ZNF695: variants seen among roughly 807,000 people sequenced by gnomAD.
The protein encoded by ZNF695 is zinc finger protein 695, also known as zinc finger protein SBZF3.
A neutral mutation model predicts 11.2 loss-of-function variants in ZNF695; 11 were observed. The ratio of observed to expected loss-of-function variants is 0.98; its 90% CI spans 0.62 to 1.62. The LOEUF (loss-of-function observed/expected upper bound fraction) is 1.62. Ranked by LOEUF, ZNF695 falls within the 40% of genes most tolerant of loss-of-function variation. The pLI, the probability that ZNF695 is intolerant of heterozygous loss-of-function variation, is 0.00. For missense variants in ZNF695, 559 were observed against 590.5 expected, an observed-to-expected ratio of 0.95 and a Z score of 0.55; for synonymous variants, 190 against 201.4, an observed-to-expected ratio of 0.94 and a Z score of 0.48.
intron 4 of ZNF695, among the ~76,000 whole-genome samples, chr1:246,973,566 T>C (rs971102029): frequency 2.0e-5 from 3 of 152,106 alleles, no homozygotes; most frequent in Admixed American, 1.3e-4. Flanking sequence ...GATTTAACTA[T>C]AAAAAAATGA....
rs1215533099 is a variant in ZNF695, at chr1:246,987,590, G to A, written c.925C>T (p.Pro309Ser). 2.0e-5 allele frequency: 32 copies of A among 1,590,602 alleles called. No homozygotes were observed. Among genetic ancestry groups the A allele is most frequent in the Non-Finnish European group, 2.5e-5 (29 of 1,171,522 alleles). Residue 309 changes from proline to serine, a missense_variant, in exon 4 of 4, where the codon CCA becomes TCA. Coordinates refer to ENST00000339986, the MANE Select transcript of ZNF695 (RefSeq NM_020394.5). The stretch of plus-strand genomic sequence containing the variant: ...ATTCTCTTGTGTTGAGTAAGGTATG[G>A]GAACAACTTAAAGGATTTGCCACAT... ...EECGKSFKLFPYLTQHKRIHS... is the reference protein window; with the variant it reads ...EECGKSFKLFSYLTQHKRIHS...
intron 5 of ZNF695, among the ~76,000 whole-genome samples, chr1:246,961,979 C>T (rs138752099): frequency 1.5e-4 from 23 of 152,316 alleles, no homozygotes; most frequent in East Asian, 1.2e-3. Context: ...TCATGGCAGA[C>T]GGTGGTGGTG....
intron 1 of ZNF695, among the ~76,000 whole-genome samples, chr1:247,006,977 C>T (rs915304420): frequency 2.0e-5 from 3 of 152,168 alleles, no homozygotes; most frequent in Non-Finnish European, 4.4e-5. Flanking sequence ...CCACTAAATG[C>T]TAATAAATCT....
chr1:246,982,490 G>C (rs1452384133), downstream of ZNF695, among the ~76,000 whole-genome samples: 1 of 152,130 alleles, frequency 6.6e-6, no homozygotes, highest in Non-Finnish European at 1.5e-5. Context: ...TCCAAATTCT[G>C]ACATGTTTAT....
chr1:246,980,370 T>A (rs1668675663), downstream of ZNF695, among the ~76,000 whole-genome samples: 1 of 151,556 alleles, frequency 6.6e-6, no homozygotes, highest in African/African-American at 2.4e-5. Flanking sequence ...TTTCCCTTTT[T>A]AAAGCAGTAA....
intron 3 of ZNF695, among the ~76,000 whole-genome samples, chr1:246,988,536 G>C (rs1391590785): frequency 6.6e-6 from 1 of 152,104 alleles, no homozygotes; most frequent in Non-Finnish European, 1.5e-5. Context: ...CCAGGAGAGA[G>C]TGGTATGACA....
Position 246,985,676 on chromosome 1 carries a change from T to C in ZNF695, c.*1291A>G, listed in dbSNP as rs1668828478. ...GCATTTCAAAATCCACTGAATTTTA[T>C]TACCTTAATGTGCAATAGGAAAAAC... On this transcript the variant is annotated 3_prime_UTR_variant, in exon 4 of 4. Coordinates refer to ENST00000339986, the MANE Select transcript of ZNF695 (RefSeq NM_020394.5). 1 of 985,442 alleles carries C rather than the reference T, an allele frequency of 1.0e-6. No individual in the cohort carries two copies. The highest frequency in any genetic ancestry group is 1.2e-6 in the Non-Finnish European group (1 of 829,908). The allele number at this position is 985,442 out of a possible 1,614,324, so 61.0% of individuals were successfully genotyped here. A position where few individuals can be genotyped will look rare whatever the true frequency, so the allele number is the denominator to read the frequency against.
chr1:246,971,873 C>T (rs1400061668), intron 4 of ZNF695, among the ~76,000 whole-genome samples: 1 of 152,112 alleles, frequency 6.6e-6, no homozygotes, highest in African/African-American at 2.4e-5. Context: ...CACCACCACA[C>T]CCGGCTAATT....
chr1:246,960,528 T>C (rs1256985205), intron 5 of ZNF695, among the ~76,000 whole-genome samples: 1 of 152,206 alleles, frequency 6.6e-6, no homozygotes, highest in African/African-American at 2.4e-5. Flanking sequence ...TTTGTTTCCA[T>C]TCAGAGTGAT....
rs139176180 is a variant in ZNF695, at chr1:247,003,214, C to A, written c.4-3140G>T. ...TAGCAAAGACATGGAGTCAACCTAC[C>A]TGCCCATCAACAATGGACTAAATAA... On this transcript the variant is annotated intron_variant, in intron 1 of 3. Coordinates refer to ENST00000339986, the MANE Select transcript of ZNF695 (RefSeq NM_020394.5). Among the ~76,000 whole-genome samples, 488 of 152,304 alleles carry A rather than the reference C, an allele frequency of 3.2e-3. 4 individuals carry two copies. Among genetic ancestry groups the A allele is most frequent in the African/African-American group, 0.011 (457 of 41,572 alleles).
intron 3 of ZNF695, among the ~76,000 whole-genome samples, chr1:246,996,647 GATT>G (rs2103029392): frequency 6.6e-6 from 1 of 152,278 alleles, no homozygotes; most frequent in Admixed American, 6.5e-5. Flanking sequence ...GTCCTGATGT[GATT>G]ATTATGCATT....
At chr1:246,957,530 C>T (rs904268160) in intron 5 of ZNF695, among the ~76,000 whole-genome samples, 2 of 152,022 alleles carry the variant, frequency 1.3e-5, no homozygotes, top group African/African-American at 4.8e-5. Context: ...TCATCTTTTT[C>T]TAAATTTTCC....
chr1:246,950,637 C>T (rs1370221995), intron 5 of ZNF695, among the ~76,000 whole-genome samples: 3 of 113,826 alleles, frequency 2.6e-5, no homozygotes, highest in South Asian at 6.3e-4. Flanking sequence ...GGCAACAGAG[C>T]GAAACTCCGT....
downstream of ZNF695, among the ~76,000 whole-genome samples, chr1:246,984,152 C>CAAAAA (rs11321674): frequency 7.4e-4 from 67 of 91,130 alleles, no homozygotes; most frequent in East Asian, 2.1e-3. Flanking sequence ...ACCATGTCTC[C>CAAAAA]AAAAAAAAAA....
At chr1:246,980,726 C>A (rs940891930), downstream of ZNF695, among the ~76,000 whole-genome samples, 4 of 152,008 alleles carry the variant, frequency 2.6e-5, no homozygotes, top group African/African-American at 9.7e-5. Context: ...CCGAGTTTAC[C>A]CATTTTTGAG....
intron 3 of ZNF695, among the ~76,000 whole-genome samples, chr1:246,992,390 A>C (rs1056177776): frequency 2.0e-5 from 3 of 147,934 alleles, no homozygotes; most frequent in Non-Finnish European, 4.5e-5. Context: ...AATGGTTATG[A>C]GGCTGGAAAG....
Position 246,985,931 on chromosome 1 carries a change from A to G in ZNF695, c.*1036T>C. 1 of 985,478 alleles carries G rather than the reference A, an allele frequency of 1.0e-6. No individual in the cohort carries two copies. Among genetic ancestry groups the G allele is most frequent in the Non-Finnish European group, 1.2e-6 (1 of 829,936 alleles). 61.0% of individuals were successfully genotyped at this position (985,478 alleles called of 1,614,324 possible). A position where few individuals can be genotyped will look rare whatever the true frequency, so the allele number is the denominator to read the frequency against. On this transcript the variant is annotated 3_prime_UTR_variant, in exon 4 of 4. Transcript: ENST00000339986. ...GAAACTCTCACAGCTTTCATGTAGC[A>G]ACAGTAGGCCTCATGCCTTCACATA...
chr1:246,998,977 A>AATATATATATATATAT (rs6143721), intron 3 of ZNF695, among the ~76,000 whole-genome samples: 3 of 144,354 alleles, frequency 2.1e-5, no homozygotes, highest in South Asian at 2.4e-4. Flanking sequence ...CAAGAAAACA[A>AATATATATATATATAT]ATATATATAT....
chr1:246,994,619 C>T (rs1042682495), intron 3 of ZNF695, among the ~76,000 whole-genome samples: 4 of 151,934 alleles, frequency 2.6e-5, no homozygotes, highest in African/African-American at 4.8e-5. Flanking sequence ...AGGCGGATCA[C>T]GAGGTCAGGA....
Sources: allele counts gnomAD v4.1 joint callset (sites outside exome capture counted in the v4.1 genomes callset), GRCh38; gene constraint gnomAD v4.1.1; transcripts MANE v1.5; gene names NCBI Gene and HGNC (gene_info 2026-07-23, HGNC 2026-07-21).